CDC6: variants seen among roughly 807,000 people sequenced by gnomAD.
CDC6 encodes the protein cell division cycle 6.
In CDC6, 46 loss-of-function variants were observed where a neutral mutation model predicts 60.2. That is an observed-to-expected ratio of 0.76 (90% CI 0.60 to 0.98). The LOEUF is 0.98. Among genes scored for constraint, CDC6 ranks in the 50% least tolerant of loss-of-function variants. The pLI, the probability that CDC6 is intolerant of heterozygous loss-of-function variation, is 0.00. For missense variants in CDC6, 596 were observed against 652.9 expected (o/e 0.91, Z 0.95); for synonymous variants, 210 against 233.2 (o/e 0.90, Z 0.90).
intron 6 of CDC6, 59 bp from the exon 7 acceptor site, chr17:40,294,304 AT>A: frequency 7.4e-7 from 1 of 1,357,914 alleles, no homozygotes; most frequent in East Asian, 2.3e-5. Flanking sequence ...CTTTCAGAAG[AT>A]TTAGTTTTCC....
At chr17:40,298,888 G>T (rs4135024) in intron 9 of CDC6, among the ~76,000 whole-genome samples, 1 of 152,128 alleles carries the variant, frequency 6.6e-6, no homozygotes, top group Admixed American at 6.5e-5. Flanking sequence ...GAGAGGACTC[G>T]GCCAGTGGAT....
At chr17:40,294,343 T>A (rs1440341804) in intron 6 of CDC6, 21 bp from the exon 7 acceptor site, 2 of 1,559,450 alleles carry the variant, frequency 1.3e-6, no homozygotes, top group East Asian at 2.2e-5. Context: ...CAATGATCAA[T>A]GTTGTTGATC....
chr17:40,289,024 A>G (rs556649169), intron 1 of CDC6, among the ~76,000 whole-genome samples: 1 of 152,314 alleles, frequency 6.6e-6, no homozygotes, highest in African/African-American at 2.4e-5. Flanking sequence ...TTGTTATTGC[A>G]TCGCTCAATT....
At chr17:40,297,043 A>G (rs1166249564) in intron 9 of CDC6, among the ~76,000 whole-genome samples, 1 of 152,218 alleles carries the variant, frequency 6.6e-6, no homozygotes, top group Admixed American at 6.5e-5. Context: ...AAACTTGTAG[A>G]CAATGAGGTT....
Position 40,296,708 on chromosome 17 carries a change from C to T in CDC6, c.1190C>T (p.Ala397Val). The change falls in exon 9 of 12, where the codon GCT becomes GTT. Residue 397 changes from alanine (A) to valine (V), a missense_variant. Transcript: ENST00000209728. Reference sequence around the variant, plus strand: ...TTTAGAAATTTTTTTTATAGGAGAGCTATTGAAATTGTAGAGTCAGATGTC... The same window carrying T: ...TTTAGAAATTTTTTTTATAGGAGAGTTATTGAAATTGTAGAGTCAGATGTC... The part of the protein sequence containing the change: ...VRKALDVCRR[A>V]IEIVESDVKS... 6.3e-7 allele frequency: 1 copy of T among 1,590,820 alleles called. No homozygotes were observed. Among genetic ancestry groups the T allele is most frequent in the African/African-American group, 1.3e-5 (1 of 74,556 alleles).
chr17:40,299,208 C>T (rs554126636), intron 9 of CDC6, among the ~76,000 whole-genome samples: 71 of 121,626 alleles, frequency 5.8e-4, no homozygotes, highest in African/African-American at 9.3e-4. Flanking sequence ...AGTGCAGTGG[C>T]GTGATCTTGG....
rs1359939824 is a variant in CDC6, at chr17:40,302,034, A to G, written c.*33A>G. ...TCTTACACCCCACCCGAAAGTATTC[A>G]GCTGGCATTTAGAGAGCTACAGTCT... On this transcript the variant is annotated 3_prime_UTR_variant, in exon 12 of 12. Transcript: ENST00000209728. The G allele has an allele frequency of 2.4e-6, 3 of 1,242,622 alleles. No homozygotes were observed. The African/African-American group carries it at 4.4e-5, about 18-fold the overall frequency. 77.0% of individuals were successfully genotyped at this position (1,242,622 alleles called of 1,614,324 possible). A position where few individuals can be genotyped will look rare whatever the true frequency, so the allele number is the denominator to read the frequency against.
In CDC6 at chr17:40,291,674, T is replaced by C; in HGVS notation, c.660+6T>C. Reference sequence around the variant, plus strand: ...GGATTCTGCAAGACCTCAAGGTACATTGAGAGTCTGAATTATGATACTCTT... The same window carrying C: ...GGATTCTGCAAGACCTCAAGGTACACTGAGAGTCTGAATTATGATACTCTT... On this transcript the variant is annotated splice_donor_region_variant and intron_variant, in intron 4 of 11. Coordinates refer to ENST00000209728, the MANE Select transcript of CDC6 (RefSeq NM_001254.4). 2.5e-6 allele frequency: 4 copies of C among 1,611,468 alleles called. No individual in the cohort carries two copies. Among genetic ancestry groups the C allele is most frequent in the Non-Finnish European group, 3.4e-6 (4 of 1,177,582 alleles).
In CDC6 at chr17:40,291,249, G is replaced by T. The variant is rs1463133873; in HGVS notation, c.370G>T (p.Val124Phe). 1 of 1,614,020 alleles carries T rather than the reference G, an allele frequency of 6.2e-7. No homozygotes were observed. The highest frequency in any genetic ancestry group is 2.2e-5 in the East Asian group (1 of 44,902). Reference protein sequence around the residue: ...KVHQNKILSSVRKSQEITTNS... With the variant: ...KVHQNKILSSFRKSQEITTNS... ...TCACCAAAACAAAATACTTTCTTCAGTTAGAAAAAGTCAAGAGATCACAAC... is the reference window on the plus strand; with the variant it reads ...TCACCAAAACAAAATACTTTCTTCATTTAGAAAAAGTCAAGAGATCACAAC... The change falls in exon 3 of 12, where the codon GTT becomes TTT. Residue 124 changes from valine to phenylalanine, a missense_variant. Physicochemically the swap from Val to Phe is conservative, Grantham distance 50. Transcript: ENST00000209728.
At chr17:40,292,066 G>C (rs911233235) in intron 4 of CDC6, among the ~76,000 whole-genome samples, 6 of 151,820 alleles carry the variant, frequency 4.0e-5, no homozygotes, top group Admixed American at 2.6e-4. Context: ...TTTGAAACAG[G>C]GTCTCTGTTG....
intron 11 of CDC6, 145 bp downstream of exon 11, chr17:40,301,753 G>C: frequency 1.1e-6 from 1 of 917,586 alleles, no homozygotes. Context: ...GTGTAAAGAT[G>C]GGAGTGTGAT....
At chr17:40,295,487 TAAA>T (rs540753983) in intron 8 of CDC6, 31 bp downstream of exon 8, 565 of 1,117,664 alleles carry the variant, frequency 5.1e-4, no homozygotes, top group Non-Finnish European at 6.3e-4. Flanking sequence ...ATTCTTTTAT[TAAA>T]AAAAAAAAAA....
Position 40,294,061 on chromosome 17 carries a change from G to A in CDC6, c.943+5G>A. 1 of 1,575,390 alleles carries A rather than the reference G, an allele frequency of 6.3e-7. No individual in the cohort carries two copies. The stretch of plus-strand genomic sequence containing the variant: ...ATTCTCACTTGGTGCTGATTGGTTA[G>A]TGCTCAATTGTTAATGTTACATGGT... On this transcript the variant is annotated splice_donor_5th_base_variant and intron_variant, in intron 6 of 11. Transcript: ENST00000209728.
chr17:40,299,239 C>T (rs1248460972), intron 9 of CDC6, among the ~76,000 whole-genome samples: 1 of 149,588 alleles, frequency 6.7e-6, no homozygotes, highest in Non-Finnish European at 1.5e-5. Flanking sequence ...CCTCCTCCTC[C>T]CAGGCTCAAG....
intron 10 of CDC6, 124 bp from the exon 11 acceptor site, chr17:40,301,344 A>G (rs1470727823): frequency 7.7e-6 from 7 of 912,714 alleles, no homozygotes; most frequent in Non-Finnish European, 1.3e-5. Flanking sequence ...ATTTTATTGA[A>G]AAGAGGAAGA....
At chr17:40,288,797 G>C (rs932717017) in intron 1 of CDC6, among the ~76,000 whole-genome samples, 3 of 152,168 alleles carry the variant, frequency 2.0e-5, no homozygotes, top group Admixed American at 2.0e-4. Flanking sequence ...TGTTAGCCAG[G>C]ATGGTCTCGG....
At chr17:40,294,954 A>G (rs2032837162) in intron 7 of CDC6, among the ~76,000 whole-genome samples, 1 of 152,084 alleles carries the variant, frequency 6.6e-6, no homozygotes, top group Admixed American at 6.6e-5. Context: ...CGAACTCCTA[A>G]CCTCAGGTGA....
chr17:40,296,577 C>T (rs916371052), intron 8 of CDC6, 126 bp from the exon 9 acceptor site: 22 of 689,828 alleles, frequency 3.2e-5, no homozygotes, highest in Non-Finnish European at 5.9e-5. Context: ...CCATGTTAGC[C>T]TACATGACCA....
intron 9 of CDC6, among the ~76,000 whole-genome samples, chr17:40,299,535 C>T (rs1240632758): frequency 6.6e-6 from 1 of 151,996 alleles, no homozygotes; most frequent in Non-Finnish European, 1.5e-5. Context: ...TCTGTTCCTA[C>T]AGTAGTTTGC....
Sources: gnomAD v4.1 joint callset for allele counts (sites outside exome capture counted in the v4.1 genomes callset) on GRCh38, gnomAD v4.1.1 for gene constraint, MANE v1.5 for transcripts, NCBI Gene and HGNC (gene_info 2026-07-23, HGNC 2026-07-21) for gene names.